The following MYOF variants were observed in gnomAD, a reference collection of about 807,000 sequenced individuals.
MYOF encodes fer-1-like 3, myoferlin.
A neutral mutation model predicts 284.2 loss-of-function variants in MYOF; 244 were observed. That is an observed-to-expected ratio of 0.86 (90% CI 0.77 to 0.95). MYOF has a LOEUF of 0.95. Among genes scored for constraint, MYOF ranks in the 40% least tolerant of loss-of-function variants. The pLI is 0.00. For missense variants in MYOF, 2,496 were observed against 2,560.6 expected, an observed-to-expected ratio of 0.97 and a Z score of 0.54; for synonymous variants, 904 against 919.7, an observed-to-expected ratio of 0.98 and a Z score of 0.31.
intron 1 of MYOF, among the ~76,000 whole-genome samples, chr10:93,463,861 T>A: frequency 2.2e-5 from 1 of 45,668 alleles, no homozygotes; most frequent in African/African-American, 7.0e-5. Context: ...CAAGACCCTG[T>A]CTCAAAAAAA....
At chr10:93,385,168 C>T (rs1032869248) in intron 19 of MYOF, among the ~76,000 whole-genome samples, 31 of 152,314 alleles carry the variant, frequency 2.0e-4, no homozygotes, top group African/African-American at 7.2e-4. Flanking sequence ...CAAGAACAGA[C>T]TCTTGATCCT....
chr10:93,355,828 G>T, intron 30 of MYOF, 92 bp from the exon 31 acceptor site: 9 of 857,220 alleles, frequency 1.0e-5, no homozygotes, highest in South Asian at 8.4e-5. Flanking sequence ...ATAACAAATG[G>T]AATTCTAGCT....
In MYOF at chr10:93,439,129, C is replaced by G. The variant is rs77847877; in HGVS notation, c.237-7613G>C. 5.7e-3 allele frequency among the ~76,000 whole-genome samples: 874 copies of G among 152,278 alleles called. 3 individuals carry two copies. The highest frequency in any genetic ancestry group is 0.02 in the African/African-American group (828 of 41,574). ...TTTCGTGGCCAGCATCTACTGTGCTCTTTTTCCCAGCCCCTCCCACCTCTG... is the reference window on the plus strand; with the variant it reads ...TTTCGTGGCCAGCATCTACTGTGCTGTTTTTCCCAGCCCCTCCCACCTCTG... On this transcript the variant is annotated intron_variant, in intron 3 of 53. Coordinates refer to ENST00000359263, the MANE Select transcript of MYOF (RefSeq NM_013451.4).
chr10:93,369,892 A>C, intron 24 of MYOF, 116 bp from the exon 25 acceptor site: 1 of 1,320,996 alleles, frequency 7.6e-7, no homozygotes, highest in South Asian at 1.5e-5. Context: ...GTCTAATTTT[A>C]TGTTTGCTTC....
At chr10:93,455,538 G>A (rs766089474) in intron 2 of MYOF, among the ~76,000 whole-genome samples, 6 of 152,012 alleles carry the variant, frequency 3.9e-5, no homozygotes, top group Non-Finnish European at 7.4e-5. Flanking sequence ...TGTGGTGCAC[G>A]CTTGTGGTCC....
intron 5 of MYOF, among the ~76,000 whole-genome samples, chr10:93,415,655 T>C (rs1848086136): frequency 6.6e-6 from 1 of 152,220 alleles, no homozygotes; most frequent in South Asian, 2.1e-4. Context: ...TCTACCTGTA[T>C]CTGTTGCCTT....
intron 1 of MYOF, among the ~76,000 whole-genome samples, chr10:93,465,899 C>G (rs921016494): frequency 1.3e-5 from 2 of 152,130 alleles, no homozygotes; most frequent in Non-Finnish European, 1.5e-5. Context: ...GAGGGCAGGG[C>G]CCCTGTGACT....
intron 48 of MYOF, among the ~76,000 whole-genome samples, chr10:93,322,455 C>T (rs949196892): frequency 4.6e-5 from 7 of 152,106 alleles, no homozygotes; most frequent in Admixed American, 2.0e-4. Context: ...AGAATGTAGT[C>T]GCTATGCTGT....
At chr10:93,387,364 T>C (rs1466869988) in intron 19 of MYOF, among the ~76,000 whole-genome samples, 1 of 152,150 alleles carries the variant, frequency 6.6e-6, no homozygotes, top group Non-Finnish European at 1.5e-5. Flanking sequence ...GTTGGGGAAG[T>C]CAACTGGGAA....
At chr10:93,317,185 G>C (rs1000442450) in intron 49 of MYOF, among the ~76,000 whole-genome samples, 33 of 138,154 alleles carry the variant, frequency 2.4e-4, no homozygotes, top group African/African-American at 8.8e-4. Flanking sequence ...ACCCACCGGG[G>C]TGTCACTTCT....
intron 15 of MYOF, 137 bp downstream of exon 15, chr10:93,397,110 C>T (rs1328827252): frequency 7.6e-6 from 5 of 661,324 alleles, no homozygotes; most frequent in African/African-American, 3.8e-5. Flanking sequence ...TTTTAAGAAA[C>T]GCCCAGTTCC....
At chr10:93,397,052 C>T (rs1413739891) in intron 15 of MYOF, 195 bp downstream of exon 15, 1 of 484,806 alleles carries the variant, frequency 2.1e-6, no homozygotes, top group African/African-American at 2.0e-5. Context: ...AGCAGTTGAA[C>T]CGAAATAATC....
At chr10:93,322,015 T>A (rs963796002) in intron 48 of MYOF, among the ~76,000 whole-genome samples, 1 of 147,072 alleles carries the variant, frequency 6.8e-6, no homozygotes, top group Non-Finnish European at 1.5e-5. Flanking sequence ...AAAAAAAAAA[T>A]AATGCTTATG....
At chr10:93,359,691 T>G (rs1589440560) in intron 29 of MYOF, 142 bp downstream of exon 29, 5 of 1,005,786 alleles carry the variant, frequency 5.0e-6, no homozygotes. Context: ...CTGGCTGGGG[T>G]GGGCTCACTT....
intron 3 of MYOF, among the ~76,000 whole-genome samples, chr10:93,432,859 G>C (rs376102576): frequency 2.0e-5 from 3 of 152,148 alleles, no homozygotes; most frequent in Admixed American, 2.0e-4. Context: ...TTAACAGCAG[G>C]TTCCTGAATG....
intron 1 of MYOF, among the ~76,000 whole-genome samples, chr10:93,479,912 T>G (rs4919169): frequency 0.78 from 118,121 of 152,076 alleles, 46,337 homozygotes; most frequent in South Asian, 0.84. Context: ...TTCAATTGAT[T>G]GTTTGCATTC....
At chr10:93,352,803 T>G (rs924328444) in intron 32 of MYOF, among the ~76,000 whole-genome samples, 62 of 152,180 alleles carry the variant, frequency 4.1e-4, no homozygotes, top group African/African-American at 1.4e-3. Context: ...GGAAAGATGT[T>G]TTTTTAACTT....
intron 2 of MYOF, among the ~76,000 whole-genome samples, chr10:93,454,487 C>T (rs2056684097): frequency 6.6e-6 from 1 of 152,152 alleles, no homozygotes; most frequent in African/African-American, 2.4e-5. Flanking sequence ...GTAGGAAGCA[C>T]TCTCACATAA....
At chr10:93,390,591 T>C (rs960982876) in intron 17 of MYOF, among the ~76,000 whole-genome samples, 4 of 152,190 alleles carry the variant, frequency 2.6e-5, no homozygotes, top group African/African-American at 9.7e-5. Context: ...ATGACTATTA[T>C]ACATGAACAT....
Sources: gnomAD v4.1 joint callset for allele counts (sites outside exome capture counted in the v4.1 genomes callset) on GRCh38, gnomAD v4.1.1 for gene constraint, MANE v1.5 for transcripts, NCBI Gene and HGNC (gene_info 2026-07-23, HGNC 2026-07-21) for gene names.